Variants in CLASP1 observed in about 807,000 individuals in gnomAD.
CLASP1 encodes the protein cytoplasmic linker associated protein 1.
In CLASP1, 38 loss-of-function variants were observed where a neutral mutation model predicts 192.3. The ratio of observed to expected loss-of-function variants is 0.20; its 90% confidence interval spans 0.15 to 0.26. CLASP1 has a LOEUF of 0.26. Ranked by LOEUF, CLASP1 falls within the 10% of genes least tolerant of loss-of-function variation. The probability of loss-of-function intolerance (pLI) is 1.00; values close to 1 mark genes in which losing one functional copy is unlikely to be tolerated. For synonymous variants in CLASP1, 691 were observed against 712.8 expected (o/e 0.97, Z 0.49); for missense variants, 1,433 against 1,932.5 (o/e 0.74, Z 4.85).
At chr2:121,391,291 G>A (rs2074296226) in intron 30 of CLASP1, among the ~76,000 whole-genome samples, 3 of 152,180 alleles carry the variant, frequency 2.0e-5, no homozygotes, top group African/African-American at 7.2e-5. Context: ...CAGGACCAGA[G>A]CAGGTTGAAG....
chr2:121,486,361 A>C (rs2092971034), intron 8 of CLASP1, among the ~76,000 whole-genome samples: 1 of 152,208 alleles, frequency 6.6e-6, no homozygotes, highest in Admixed American at 6.5e-5. Flanking sequence ...GATGACTGAA[A>C]ACTGAGACTT....
chr2:121,447,003 A>T (rs951914268), intron 19 of CLASP1, among the ~76,000 whole-genome samples: 1 of 152,146 alleles, frequency 6.6e-6, no homozygotes, highest in Non-Finnish European at 1.5e-5. Flanking sequence ...TCAGAGGGGG[A>T]AAAAACTTAG....
chr2:121,530,184 G>C, intron 3 of CLASP1, 63 bp downstream of exon 3: 1 of 1,425,242 alleles, frequency 7.0e-7, no homozygotes, highest in East Asian at 2.6e-5. Flanking sequence ...GGGAGCCGGG[G>C]AGGCCGAGGG....
chr2:121,631,205 A>G (rs2069572763), intron 1 of CLASP1, among the ~76,000 whole-genome samples: 1 of 149,884 alleles, frequency 6.7e-6, no homozygotes, highest in African/African-American at 2.5e-5. Flanking sequence ...AAAGTGCTCA[A>G]TTTGCTTTTG....
chr2:121,546,567 C>T (rs766784390), intron 2 of CLASP1, among the ~76,000 whole-genome samples: 4 of 151,910 alleles, frequency 2.6e-5, no homozygotes, highest in African/African-American at 9.7e-5. Flanking sequence ...AATATGGGAC[C>T]CCGGGAACCA....
At chr2:121,428,862 C>T (rs2080899555) in intron 20 of CLASP1, among the ~76,000 whole-genome samples, 1 of 152,170 alleles carries the variant, frequency 6.6e-6, no homozygotes, top group Admixed American at 6.5e-5. Context: ...TCATTAAATC[C>T]TCATTAAAAC....
intron 2 of CLASP1, among the ~76,000 whole-genome samples, chr2:121,595,240 T>C (rs1477648610): frequency 6.6e-6 from 1 of 152,226 alleles, no homozygotes; most frequent in African/African-American, 2.4e-5. Context: ...TCTAGTCATG[T>C]AACCTCGGGC....
At chr2:121,649,015 C>A (rs2073715927) in intron 1 of CLASP1, among the ~76,000 whole-genome samples, 1 of 152,150 alleles carries the variant, frequency 6.6e-6, no homozygotes, top group Admixed American at 6.5e-5. Context: ...GCGCCCCGGG[C>A]TCGCTGGCTT....
At position 121,623,255 on chromosome 2, in the gene CLASP1, G is replaced by A. The variant is rs951690675; in HGVS notation, c.-285-17075C>T. Among the ~76,000 whole-genome samples the A allele has an allele frequency of 2.6e-5, 4 of 152,160 alleles. No individual in the cohort carries two copies. In the South Asian group the frequency reaches 8.3e-4, roughly 32 times the overall value. ...ATGTTTTTTATCATGAAACAATGTT[G>A]GATTTAATCAAATGTTTTTCCTGCC... On this transcript the variant is annotated intron_variant, in intron 1 of 39. Transcript: ENST00000263710.
chr2:121,457,166 G>T (rs1300429705), intron 14 of CLASP1, among the ~76,000 whole-genome samples: 3 of 152,078 alleles, frequency 2.0e-5, no homozygotes, highest in Admixed American at 6.6e-5. Context: ...TGTCTTCTGG[G>T]TATATCTCCC....
At position 121,412,135 on chromosome 2, in the gene CLASP1, G is replaced by C. The variant is rs115728468; in HGVS notation, c.2321-1166C>G. Among the ~76,000 whole-genome samples the C allele has an allele frequency of 4.8e-3, 736 of 152,190 alleles. 9 individuals are homozygous for C. The highest frequency in any genetic ancestry group is 0.017 in the African/African-American group (694 of 41,560). On this transcript the variant is annotated intron_variant, in intron 23 of 39. Coordinates refer to ENST00000263710, the Ensembl canonical transcript of CLASP1. ...TACAAAACTGGTGAACTTAAAAAGTGAATTGTTATTTAGCTTTTTAAAAAT... is the reference window on the plus strand; with the variant it reads ...TACAAAACTGGTGAACTTAAAAAGTCAATTGTTATTTAGCTTTTTAAAAAT...
intron 23 of CLASP1, among the ~76,000 whole-genome samples, chr2:121,415,309 G>A (rs937532348): frequency 2.0e-5 from 3 of 152,122 alleles, no homozygotes; most frequent in Non-Finnish European, 4.4e-5. Context: ...ATGGTTAATG[G>A]TACCTACCTC....
At chr2:121,377,003 G>T (rs1367726944) in intron 34 of CLASP1, among the ~76,000 whole-genome samples, 1 of 152,160 alleles carries the variant, frequency 6.6e-6, no homozygotes, top group Non-Finnish European at 1.5e-5. Context: ...TTACAATGTA[G>T]TAACAATAGA....
chr2:121,524,390 C>A (rs1384495840), intron 6 of CLASP1, among the ~76,000 whole-genome samples: 2 of 151,190 alleles, frequency 1.3e-5, no homozygotes, highest in Non-Finnish European at 2.9e-5. Context: ...TTTAAATTAA[C>A]GTTGAATATA....
intron 2 of CLASP1, among the ~76,000 whole-genome samples, chr2:121,591,322 C>T (rs1302747446): frequency 2.0e-5 from 3 of 152,088 alleles, no homozygotes; most frequent in Non-Finnish European, 4.4e-5. Flanking sequence ...AAATTCATCC[C>T]AGTCCTTTAT....
At chr2:121,581,353 C>A in intron 2 of CLASP1, among the ~76,000 whole-genome samples, 1 of 139,420 alleles carries the variant, frequency 7.2e-6, no homozygotes, top group Non-Finnish European at 1.5e-5. Flanking sequence ...CGGCTCACTG[C>A]AAGCTCCGCT....
intron 1 of CLASP1, among the ~76,000 whole-genome samples, chr2:121,648,603 G>A (rs2073619469): frequency 6.6e-6 from 1 of 152,090 alleles, no homozygotes; most frequent in Non-Finnish European, 1.5e-5. Flanking sequence ...CTCGGAAAAC[G>A]GAAAGCAAAA....
intron 1 of CLASP1, among the ~76,000 whole-genome samples, chr2:121,647,036 T>A (rs2073294537): frequency 9.6e-6 from 1 of 104,016 alleles, no homozygotes; most frequent in Admixed American, 1.1e-4. Context: ...CGAGACTCCA[T>A]CTCAAAAAAA....
intron 39 of CLASP1, among the ~76,000 whole-genome samples, chr2:121,341,497 C>T (rs1451850763): frequency 6.6e-6 from 1 of 152,088 alleles, no homozygotes; most frequent in Non-Finnish European, 1.5e-5. Context: ...CAGAAATGGG[C>T]AGAATGGATA....
Sources: gnomAD v4.1 joint callset for allele counts (sites outside exome capture counted in the v4.1 genomes callset) on GRCh38, gnomAD v4.1.1 for gene constraint, MANE v1.5 for transcripts, NCBI Gene and HGNC (gene_info 2026-07-23, HGNC 2026-07-21) for gene names.